The following PLEKHA5 variants were observed in gnomAD, a reference collection of about 807,000 sequenced individuals.
The protein encoded by PLEKHA5 is pleckstrin homology domain containing A5, also known as pleckstrin homology domain-containing family A member 5.
In PLEKHA5, 55 loss-of-function variants were observed where a neutral mutation model predicts 181.9. The ratio of observed to expected loss-of-function variants is 0.30; its 90% CI spans 0.24 to 0.38. The LOEUF (loss-of-function observed/expected upper bound fraction) is 0.38. Among genes scored for constraint, PLEKHA5 ranks in the 10% least tolerant of loss-of-function variants. The pLI, the probability that PLEKHA5 is intolerant of heterozygous loss-of-function variation, is 1.00. For synonymous variants in PLEKHA5, 535 were observed against 529.4 expected, an observed-to-expected ratio of 1.01 and a Z score of -0.15; for missense variants, 1,432 against 1,549.5, an observed-to-expected ratio of 0.92 and a Z score of 1.27.
At chr12:19,202,661 A>G (rs2054462618) in intron 3 of PLEKHA5, among the ~76,000 whole-genome samples, 1 of 151,832 alleles carries the variant, frequency 6.6e-6, no homozygotes, top group Non-Finnish European at 1.5e-5. Flanking sequence ...ACAAACTCCA[A>G]TTGTGAACCC....
At chr12:19,152,202 T>C (rs2040575003) in intron 3 of PLEKHA5, 1 of 152,186 alleles carries the variant, frequency 6.6e-6, no homozygotes, top group Non-Finnish European at 1.5e-5. Context: ...GTAGATATTT[T>C]AATGTAAATA....
intron 16 of PLEKHA5, among the ~76,000 whole-genome samples, chr12:19,318,033 T>C (rs971170388): frequency 1.3e-5 from 2 of 151,776 alleles, no homozygotes; most frequent in Non-Finnish European, 2.9e-5. Flanking sequence ...CTTTTCTTTT[T>C]TTTCGGTAGG....
At chr12:19,159,541 CTGTTA>C (rs1271902879) in intron 3 of PLEKHA5, among the ~76,000 whole-genome samples, 1 of 152,074 alleles carries the variant, frequency 6.6e-6, no homozygotes, top group Non-Finnish European at 1.5e-5. Context: ...TTCTGCTGTT[CTGTTA>C]TTCTGTTTAT....
chr12:19,362,466 A>T (rs1012866670), intron 29 of PLEKHA5, among the ~76,000 whole-genome samples: 2 of 151,882 alleles, frequency 1.3e-5, no homozygotes, highest in Non-Finnish European at 2.9e-5. Context: ...CCCAGGAGGC[A>T]GAGGTTGCAG....
intron 20 of PLEKHA5, among the ~76,000 whole-genome samples, chr12:19,334,008 T>G (rs1054465062): frequency 1.4e-4 from 21 of 152,208 alleles, no homozygotes; most frequent in African/African-American, 5.1e-4. Context: ...ATTGTATATT[T>G]GAAAAGTATT....
intron 13 of PLEKHA5, 67 bp from the exon 14 acceptor site, chr12:19,290,610 A>G (rs17271583): frequency 0.026 from 36,593 of 1,431,636 alleles, 571 homozygotes; most frequent in Non-Finnish European, 0.031. Context: ...TTGGTTTAAT[A>G]TCTGTCACTT....
intron 3 of PLEKHA5, among the ~76,000 whole-genome samples, chr12:19,227,685 G>A (rs980040606): frequency 1.3e-5 from 2 of 152,146 alleles, no homozygotes; most frequent in Non-Finnish European, 2.9e-5. Context: ...CTAGTTGCAA[G>A]GGAAGCCAGG....
Position 19,270,204 on chromosome 12 carries a change from C to A in PLEKHA5, c.844C>A (p.Arg282=). 1 of 1,448,858 alleles carries A rather than the reference C, an allele frequency of 6.9e-7. No individual in the cohort carries two copies. Among genetic ancestry groups the A allele is most frequent in the Non-Finnish European group, 9.2e-7 (1 of 1,090,180 alleles). The allele number at this position is 1,448,858 out of a possible 1,614,324, so 89.8% of individuals were successfully genotyped here. ...TTCTTACAGAATTACCTTTAATTTCCGGTGAGTACGTTTTTAATTGTTACC... is the reference window on the plus strand; with the variant it reads ...TTCTTACAGAATTACCTTTAATTTCAGGTGAGTACGTTTTTAATTGTTACC... ...EPVKRITFNF[R]VDKITSENAP... is the part of the protein sequence containing the mutation. The change falls in exon 10 of 32, where the codon CGA becomes AGA. Residue 282 remains arginine (R), a splice_region_variant and synonymous_variant. Transcript: ENST00000429027.
At chr12:19,367,631 G>GGT (rs1255674629) in intron 30 of PLEKHA5, among the ~76,000 whole-genome samples, 10 of 151,802 alleles carry the variant, frequency 6.6e-5, no homozygotes, top group Non-Finnish European at 1.5e-4. Flanking sequence ...CCAGGCTGGA[G>GGT]TGCAGTGGCG....
intron 3 of PLEKHA5, among the ~76,000 whole-genome samples, chr12:19,170,267 T>C (rs1464266707): frequency 1.3e-5 from 2 of 152,196 alleles, no homozygotes; most frequent in African/African-American, 2.4e-5. Context: ...GGAATGTTTT[T>C]TTTCTTTGAG....
rs1182943504 is a variant in PLEKHA5, at chr12:19,366,091, G to C, written c.3736G>C (p.Gly1246Arg). 1 of 1,611,462 alleles carries C rather than the reference G, an allele frequency of 6.2e-7. No homozygotes were observed. Among genetic ancestry groups the C allele is most frequent in the African/African-American group, 1.3e-5 (1 of 74,780 alleles). ...SYESTPEVSR[G>R]NQTMAVKSLS... ...CGAATCAACTCCTGAGGTTTCTAGA[G>C]GAAATCAAACAATGGCAGGTAGGTA... The change falls in exon 30 of 32, where the codon GGA (glycine) becomes CGA (arginine). Residue 1246 changes from glycine (G) to arginine (R), a missense_variant. Gly to Arg is a moderately radical substitution (Grantham distance 125). Transcript: ENST00000429027.
chr12:19,325,310 G>A (rs182869134), intron 20 of PLEKHA5, among the ~76,000 whole-genome samples: 213 of 152,256 alleles, frequency 1.4e-3, no homozygotes, highest in Middle Eastern at 3.4e-3. Flanking sequence ...AGGATCTCTT[G>A]AGCCCAGGAG....
intron 30 of PLEKHA5, among the ~76,000 whole-genome samples, chr12:19,368,169 C>G (rs982906540): frequency 3.3e-5 from 5 of 152,108 alleles, no homozygotes; most frequent in African/African-American, 1.2e-4. Flanking sequence ...ATACTAAGCA[C>G]TGCCTTTTCC....
chr12:19,306,726 A>G (rs1353290610), intron 15 of PLEKHA5: 4 of 1,319,526 alleles, frequency 3.0e-6, no homozygotes, highest in African/African-American at 1.5e-5. Flanking sequence ...TCGACGAACC[A>G]CACCTCTTCC....
chr12:19,340,254 A>C (rs1388850540), intron 21 of PLEKHA5, among the ~76,000 whole-genome samples: 78 of 152,118 alleles, frequency 5.1e-4, no homozygotes, highest in Non-Finnish European at 1.6e-4. Flanking sequence ...AAACATGAGT[A>C]ACTAATCATA....
At position 19,274,722 on chromosome 12, in the gene PLEKHA5, A is replaced by C; in HGVS notation, c.1052A>C (p.Lys351Thr). The C allele has an allele frequency of 6.2e-7, 1 of 1,614,144 alleles. No individual in the cohort carries two copies. Among genetic ancestry groups the C allele is most frequent in the South Asian group, 1.1e-5 (1 of 91,086 alleles). ...DRPLTKINSV[K>T]LNSLPSEYES... ...CCCTTAACAAAAATTAATAGTGTAAAGCTGAATTCTCTGCCATCTGAATAT... is the reference window on the plus strand; with the variant it reads ...CCCTTAACAAAAATTAATAGTGTAACGCTGAATTCTCTGCCATCTGAATAT... Residue 351 changes from lysine to threonine, a missense_variant, in exon 11 of 32, where the codon AAG becomes ACG. Transcript: ENST00000429027.
At chr12:19,170,173 C>T (rs959122715) in intron 3 of PLEKHA5, among the ~76,000 whole-genome samples, 56 of 152,116 alleles carry the variant, frequency 3.7e-4, no homozygotes, top group South Asian at 2.1e-4. Flanking sequence ...TCTGGAAATG[C>T]CTCTCTTACC....
chr12:19,367,386 G>C (rs2095458428), intron 30 of PLEKHA5, among the ~76,000 whole-genome samples: 1 of 146,872 alleles, frequency 6.8e-6, no homozygotes. Context: ...CTCCCAAGTA[G>C]CTGGGATTAT....
At chr12:19,354,448 C>T (rs2094807306) in intron 26 of PLEKHA5, among the ~76,000 whole-genome samples, 1 of 145,764 alleles carries the variant, frequency 6.9e-6, no homozygotes, top group African/African-American at 2.5e-5. Flanking sequence ...CCACCGCCCC[C>T]CAGCCCGATC....
Sources: gnomAD v4.1 joint callset for allele counts (sites outside exome capture counted in the v4.1 genomes callset) on GRCh38, gnomAD v4.1.1 for gene constraint, MANE v1.5 for transcripts, NCBI Gene and HGNC (gene_info 2026-07-23, HGNC 2026-07-21) for gene names.